The following PTPRD variants were observed in gnomAD, a reference collection of about 807,000 sequenced individuals.
PTPRD encodes receptor-type tyrosine-protein phosphatase delta.
PTPRD carries 34 observed loss-of-function variants against 214.5 expected under a neutral mutation model. That is an observed-to-expected ratio of 0.16 (90% confidence interval 0.12 to 0.21). The LOEUF is 0.21. Among genes scored for constraint, PTPRD ranks in the 10% least tolerant of loss-of-function variants. The probability of loss-of-function intolerance (pLI) is 1.00; values close to 1 mark genes in which losing one functional copy is unlikely to be tolerated. For synonymous variants in PTPRD, 1,128 were observed against 845.7 expected, an observed-to-expected ratio of 1.33 and a Z score of -5.79; for missense variants, 2,545 against 2,398.7, an observed-to-expected ratio of 1.06 and a Z score of -1.27.
intron 12 of PTPRD, among the ~76,000 whole-genome samples, chr9:8,643,632 G>A (rs538109937): frequency 3.3e-5 from 5 of 152,330 alleles, no homozygotes; most frequent in Non-Finnish European, 7.4e-5. Context: ...ACCACTGCTC[G>A]CAGCTCTGAT....
intron 2 of PTPRD, among the ~76,000 whole-genome samples, chr9:10,429,471 T>C (rs953706540): frequency 3.9e-5 from 6 of 151,924 alleles, no homozygotes; most frequent in African/African-American, 1.4e-4. Context: ...GCGGTGTATA[T>C]GCACAGTAAG....
At chr9:9,869,703 C>T (rs1357164933) in intron 5 of PTPRD, among the ~76,000 whole-genome samples, 1 of 151,798 alleles carries the variant, frequency 6.6e-6, no homozygotes, top group African/African-American at 2.4e-5. Flanking sequence ...TCATCAAGAG[C>T]AAGCCTGCAG....
chr9:8,456,818 T>A (rs1318831322), intron 33 of PTPRD, among the ~76,000 whole-genome samples: 2 of 143,244 alleles, frequency 1.4e-5, no homozygotes, highest in Admixed American at 1.4e-4. Context: ...TTGCCTGAAG[T>A]GCATCTCAGA....
intron 11 of PTPRD, among the ~76,000 whole-genome samples, chr9:8,918,145 G>T (rs1311417684): frequency 6.6e-6 from 1 of 152,124 alleles, no homozygotes; most frequent in Non-Finnish European, 1.5e-5. Context: ...TATGCACTGA[G>T]AAAGGTTGCT....
intron 11 of PTPRD, among the ~76,000 whole-genome samples, chr9:8,906,870 G>A (rs1205771057): frequency 6.6e-6 from 1 of 151,996 alleles, no homozygotes; most frequent in Non-Finnish European, 1.5e-5. Flanking sequence ...CACATCCCCG[G>A]CTGACTGCAA....
At chr9:10,359,456 T>TA (rs1255005245) in intron 2 of PTPRD, among the ~76,000 whole-genome samples, 1 of 152,086 alleles carries the variant, frequency 6.6e-6, no homozygotes, top group East Asian at 1.9e-4. Flanking sequence ...GTAAATATTT[T>TA]AAATAAGGCC....
At chr9:10,499,169 C>T (rs1319348976) in intron 2 of PTPRD, among the ~76,000 whole-genome samples, 1 of 151,894 alleles carries the variant, frequency 6.6e-6, no homozygotes, top group East Asian at 1.9e-4. Flanking sequence ...GCTGAACTGT[C>T]TGCCCAGCTA....
chr9:9,481,530 A>G (rs1199742145), intron 8 of PTPRD, among the ~76,000 whole-genome samples: 1 of 152,172 alleles, frequency 6.6e-6, no homozygotes, highest in East Asian at 1.9e-4. Context: ...AAAATGTTTT[A>G]ATTTTAATTT....
chr9:10,115,646 T>A (rs948276972), intron 3 of PTPRD, among the ~76,000 whole-genome samples: 4 of 152,188 alleles, frequency 2.6e-5, no homozygotes, highest in Non-Finnish European at 4.4e-5. Context: ...TTTACAAGTT[T>A]TTTTTTCTTT....
Position 8,807,397 on chromosome 9 carries a change from G to A in PTPRD, c.-103-73451C>T, listed in dbSNP as rs188824048. ...AAAAAGATGAAAATAGAAGCTGGGA[G>A]TTTTCACAGACTCCAGCTTATTTGG... On this transcript the variant is annotated intron_variant, in intron 11 of 45. Transcript: ENST00000381196. Among the ~76,000 whole-genome samples, 577 of 152,206 alleles carry A rather than the reference G, an allele frequency of 3.8e-3. 1 individual carries two copies. Among genetic ancestry groups the A allele is most frequent in the Non-Finnish European group, 6.4e-3 (432 of 68,012 alleles).
chr9:9,928,862 T>C (rs1254035949), intron 5 of PTPRD, among the ~76,000 whole-genome samples: 1 of 152,096 alleles, frequency 6.6e-6, no homozygotes, highest in Non-Finnish European at 1.5e-5. Flanking sequence ...TGGTAAGCTA[T>C]TATTTCACTT....
intron 8 of PTPRD, among the ~76,000 whole-genome samples, chr9:9,467,254 G>GTT (rs554998546): frequency 1.4e-4 from 10 of 69,478 alleles, no homozygotes; most frequent in African/African-American, 5.3e-4. Flanking sequence ...ATGCTTCCCA[G>GTT]TTTTTTTTTT....
At chr9:8,751,675 T>C (rs1303277815) in intron 11 of PTPRD, among the ~76,000 whole-genome samples, 2 of 152,336 alleles carry the variant, frequency 1.3e-5, no homozygotes, top group East Asian at 3.9e-4. Flanking sequence ...TTACATTTCA[T>C]CCCTTAGTCT....
At chr9:9,336,513 G>T (rs2044541552) in intron 9 of PTPRD, among the ~76,000 whole-genome samples, 1 of 152,088 alleles carries the variant, frequency 6.6e-6, no homozygotes, top group South Asian at 2.1e-4. Flanking sequence ...CAATTTCCAT[G>T]CCCTTCCCAT....
chr9:8,814,013 C>G (rs1249161484), intron 11 of PTPRD, among the ~76,000 whole-genome samples: 1 of 152,170 alleles, frequency 6.6e-6, no homozygotes, highest in Non-Finnish European at 1.5e-5. Context: ...TATTTTTCTC[C>G]CCTCTAAATT....
intron 4 of PTPRD, among the ~76,000 whole-genome samples, chr9:9,999,734 A>T (rs1034565917): frequency 1.3e-5 from 2 of 152,242 alleles, no homozygotes; most frequent in Non-Finnish European, 1.5e-5. Context: ...AAGTAGTTAC[A>T]GGAAAGATTT....
chr9:9,421,490 C>T (rs559639785), intron 8 of PTPRD, among the ~76,000 whole-genome samples: 3 of 152,066 alleles, frequency 2.0e-5, no homozygotes, highest in African/African-American at 7.2e-5. Context: ...TCTTTGTGTG[C>T]CTCACCTGTG....
At chr9:8,434,860 G>A (rs574616109) in intron 35 of PTPRD, among the ~76,000 whole-genome samples, 9 of 152,306 alleles carry the variant, frequency 5.9e-5, no homozygotes, top group South Asian at 4.1e-4. Context: ...TATAGAAAGT[G>A]TTTTAAAGGA....
At chr9:9,998,063 T>C (rs1376659302) in intron 4 of PTPRD, among the ~76,000 whole-genome samples, 1 of 148,534 alleles carries the variant, frequency 6.7e-6, no homozygotes, top group East Asian at 2.0e-4. Context: ...GTTTCTTTCT[T>C]GGAACACAAA....
Sources: allele counts gnomAD v4.1 joint callset (sites outside exome capture counted in the v4.1 genomes callset), GRCh38; gene constraint gnomAD v4.1.1; transcripts MANE v1.5; gene names NCBI Gene and HGNC (gene_info 2026-07-23, HGNC 2026-07-21).